The following APLN variants were observed in gnomAD, a reference collection of about 807,000 sequenced individuals.
APLN encodes the protein apelin.
A neutral mutation model predicts 4.3 loss-of-function variants in APLN; 2 were observed. The observed-to-expected ratio is 0.46, with a 90% CI of 0.19 to 1.45. The LOEUF (loss-of-function observed/expected upper bound fraction) is 1.45, where lower values mean the gene tolerates loss of function less well. APLN is among the 40% of genes most tolerant of loss of function. APLN has a pLI of 0.25. For synonymous variants in APLN, 34 were observed against 30.4 expected (o/e 1.12, Z -0.38); for missense variants, 80 against 70.0 (o/e 1.14, Z -0.51).
chrX:129,650,230 A>G (rs771357483), intron 1 of APLN, among the ~76,000 whole-genome samples: 15 of 109,954 alleles, frequency 1.4e-4, no homozygotes, highest in Admixed American at 3.9e-4. Flanking sequence ...TCACACCCCA[A>G]TCATACCCCT....
intron 1 of APLN, among the ~76,000 whole-genome samples, chrX:129,651,780 T>C (rs1569469183): frequency 8.9e-6 from 1 of 112,302 alleles, no homozygotes; most frequent in Admixed American, 9.4e-5. Flanking sequence ...TTTTCCTCTC[T>C]CAGTCTGGCC....
In APLN at chrX:129,645,924, A is replaced by C. The variant is rs1222943937; in HGVS notation, c.*1999T>G. On this transcript the variant is annotated 3_prime_UTR_variant, in exon 3 of 3. Transcript: ENST00000429967. Reference sequence around the variant, plus strand: ...AACAGGGCCTTAATATCTTTGTATAAATTAGTATAAGAATCATAAACAACC... The same window carrying C: ...AACAGGGCCTTAATATCTTTGTATACATTAGTATAAGAATCATAAACAACC... The C allele has an allele frequency of 1.8e-5, 2 of 112,641 alleles. No homozygotes were observed. The highest frequency in any genetic ancestry group is 6.5e-5 in the African/African-American group (2 of 30,936). The allele number at this position is 112,641 out of a possible 1,213,427, so 9.3% of individuals were successfully genotyped here.
At position 129,654,779 on chromosome X, in the gene APLN, C is replaced by T; in HGVS notation, c.-149G>A. 3.8e-6 allele frequency: 1 copy of T among 266,455 alleles called. No homozygotes were observed. 22.0% of individuals were successfully genotyped at this position (266,455 alleles called of 1,213,427 possible). Reference sequence around the variant, plus strand: ...CCGGCCGCTGAGTGTGCGCGCTGAGCCCCGCCGCTCCCGCTGGCCGCCTCC... The same window carrying T: ...CCGGCCGCTGAGTGTGCGCGCTGAGTCCCGCCGCTCCCGCTGGCCGCCTCC... On this transcript the variant is annotated 5_prime_UTR_variant, in exon 1 of 3. Transcript: ENST00000429967.
rs1374408915 is a variant in APLN at position 129,647,627 on chromosome X, G to A, written c.*296C>T. Reference sequence around the variant, plus strand: ...GATGAGACAGGCAGGGACTAGGGCGGAGGGGACCTGGAGAAGAAGGGAGGC... The same window carrying A: ...GATGAGACAGGCAGGGACTAGGGCGAAGGGGACCTGGAGAAGAAGGGAGGC... On this transcript the variant is annotated 3_prime_UTR_variant, in exon 3 of 3. Coordinates refer to ENST00000429967, the MANE Select transcript of APLN (RefSeq NM_017413.5). 4.1e-6 allele frequency: 4 copies of A among 979,848 alleles called. No individual in the cohort carries two copies. In the Admixed American group the frequency reaches 1.2e-4, roughly 30 times the overall value. The allele number at this position is 979,848 out of a possible 1,213,427, so 80.8% of individuals were successfully genotyped here. A position where few individuals can be genotyped will look rare whatever the true frequency, so the allele number is the denominator to read the frequency against.
chrX:129,650,770 C>T (rs1936973973), intron 1 of APLN, among the ~76,000 whole-genome samples: 2 of 112,014 alleles, frequency 1.8e-5, no homozygotes, highest in Non-Finnish European at 3.8e-5. Flanking sequence ...GAAGGAAAGA[C>T]CTTCACTAAG....
In APLN at chrX:129,646,919, AG is replaced by A. The variant is rs1367438360; in HGVS notation, c.*1003del. On this transcript the variant is annotated 3_prime_UTR_variant, in exon 3 of 3. Transcript: ENST00000429967. ...CACCCCCAGCCCCAGCCTCGGGAAA[AG>A]GCACTTCATTTGCTTTGAAAAGACA... is the stretch of plus-strand genomic sequence containing the variant. The A allele has an allele frequency of 8.9e-6, 1 of 112,238 alleles. No homozygotes were observed. The highest frequency in any genetic ancestry group is 2.8e-4 in the East Asian group (1 of 3,554). The allele number at this position is 112,238 out of a possible 1,213,427, so 9.2% of individuals were successfully genotyped here.
At chrX:129,648,496 T>G in intron 2 of APLN, 125 bp downstream of exon 2, 1 of 837,156 alleles carries the variant, frequency 1.2e-6, no homozygotes, top group Non-Finnish European at 1.7e-6. Flanking sequence ...TAAGCCTCTG[T>G]GAGTGTGGCG....
chrX:129,653,663 A>G (rs897934896), intron 1 of APLN, among the ~76,000 whole-genome samples: 2 of 112,630 alleles, frequency 1.8e-5, no homozygotes, highest in African/African-American at 6.4e-5. Context: ...AGGGGCGGAC[A>G]TGGGCACTAG....
rs773428912 is a variant in APLN, at chrX:129,648,454, G to C, written c.*5+167C>G. 3.5e-5 allele frequency among the ~76,000 whole-genome samples: 4 copies of C among 113,034 alleles called. No individual in the cohort carries two copies. The East Asian group carries it at 1.1e-3, about 32-fold the overall frequency. On this transcript the variant is annotated intron_variant, in intron 2 of 2. Coordinates refer to ENST00000429967, the MANE Select transcript of APLN (RefSeq NM_017413.5). ...GATCGTCTGTAAAATAAAGGGGCTAGACAGCTGCCCCATAAGCTCTCTTGC... is the reference window on the plus strand; with the variant it reads ...GATCGTCTGTAAAATAAAGGGGCTACACAGCTGCCCCATAAGCTCTCTTGC...
chrX:129,652,686 A>G (rs972324373), intron 1 of APLN, among the ~76,000 whole-genome samples: 4 of 112,386 alleles, frequency 3.6e-5, no homozygotes, highest in African/African-American at 9.7e-5. Flanking sequence ...AAGACGGGGG[A>G]ATTAAAGCAC....
At chrX:129,652,309 G>A (rs756009968) in intron 1 of APLN, among the ~76,000 whole-genome samples, 6 of 111,634 alleles carry the variant, frequency 5.4e-5, no homozygotes, top group Non-Finnish European at 1.1e-4. Context: ...GGTGATGAGA[G>A]GCAGCGTGGA....
At chrX:129,651,084 T>C (rs765200420) in intron 1 of APLN, among the ~76,000 whole-genome samples, 2 of 110,732 alleles carry the variant, frequency 1.8e-5, no homozygotes, top group South Asian at 3.9e-4. Flanking sequence ...TGTGAGTGTC[T>C]GGCAGTCAGA....
chrX:129,647,812 C>G lies in APLN; in HGVS notation c.*111G>C. 3.1e-6 allele frequency: 3 copies of G among 983,046 alleles called. No individual in the cohort carries two copies. Among genetic ancestry groups the G allele is most frequent in the Non-Finnish European group, 4.0e-6 (3 of 756,117 alleles). The allele number at this position is 983,046 out of a possible 1,213,427, so 81.0% of individuals were successfully genotyped here. A position where few individuals can be genotyped will look rare whatever the true frequency, so the allele number is the denominator to read the frequency against. ...GAGCTGGGCCCACTGGTGGCTACAGCAGGTGCGAGGTGAGAGCTGAATGGA... is the reference window on the plus strand; with the variant it reads ...GAGCTGGGCCCACTGGTGGCTACAGGAGGTGCGAGGTGAGAGCTGAATGGA... On this transcript the variant is annotated 3_prime_UTR_variant, in exon 3 of 3. Coordinates refer to ENST00000429967, the MANE Select transcript of APLN (RefSeq NM_017413.5).
intron 1 of APLN, among the ~76,000 whole-genome samples, chrX:129,651,969 T>C (rs1936981307): frequency 8.9e-6 from 1 of 111,761 alleles, no homozygotes; most frequent in Admixed American, 9.5e-5. Flanking sequence ...CTGGGATACA[T>C]CATGCTCTGT....
In APLN at chrX:129,654,596, A is replaced by G. The variant is rs1290650243; in HGVS notation, c.35T>C (p.Leu12Pro). 8.7e-7 allele frequency: 1 copy of G among 1,154,782 alleles called. No individual in the cohort carries two copies. Reference protein sequence around the residue: ...NLRLCVQALLLLWLSLTAVCG... With the variant: ...NLRLCVQALLPLWLSLTAVCG... ...CACCGCGGTCAAGGAGAGCCAGAGC[A>G]GCAGGAGCGCCTGCACGCAGAGCCG... is the stretch of plus-strand genomic sequence containing the variant. The change falls in exon 1 of 3, where the codon CTG becomes CCG. Residue 12 changes from leucine to proline, a missense_variant. Physicochemically the swap from Leu to Pro is moderately conservative, Grantham distance 98 (BLOSUM62 -3). Transcript: ENST00000429967.
chrX:129,651,803 A>G lies in APLN; in HGVS notation c.67+2761T>C, dbSNP rs146477238. ...TCTCAGTCTGGCCTGTCTTGTGATG[A>G]CTTTAAAAGCCCAAACGTATGCTCC... On this transcript the variant is annotated intron_variant, in intron 1 of 2. Transcript: ENST00000429967. 4.8e-3 allele frequency among the ~76,000 whole-genome samples: 542 copies of G among 111,957 alleles called. 5 individuals carry two copies. Among genetic ancestry groups the G allele is most frequent in the African/African-American group, 0.014 (430 of 30,745 alleles).
intron 1 of APLN, among the ~76,000 whole-genome samples, chrX:129,653,486 C>T (rs751812767): frequency 8.9e-6 from 1 of 112,791 alleles, no homozygotes; most frequent in African/African-American, 3.2e-5. Flanking sequence ...TGGCGTTAGT[C>T]CACCTGGTCT....
intron 2 of APLN, 136 bp downstream of exon 2, chrX:129,648,485 C>G: frequency 3.9e-6 from 3 of 773,773 alleles, no homozygotes; most frequent in Non-Finnish European, 5.5e-6. Flanking sequence ...CTTGCCAGCT[C>G]TAAGCCTCTG....
intron 1 of APLN, among the ~76,000 whole-genome samples, chrX:129,652,159 G>A (rs914169878): frequency 1.8e-5 from 2 of 111,320 alleles, no homozygotes; most frequent in Admixed American, 9.5e-5. Flanking sequence ...CTGGGCCTGC[G>A]GAGGGGGAGG....
Sources: allele counts gnomAD v4.1 joint callset (sites outside exome capture counted in the v4.1 genomes callset), GRCh38; gene constraint gnomAD v4.1.1; transcripts MANE v1.5; gene names NCBI Gene and HGNC (gene_info 2026-07-23, HGNC 2026-07-21).